Variants in ELMOD3 observed in about 807,000 individuals in gnomAD.
The protein encoded by ELMOD3 is ELMO domain-containing protein 3.
A neutral mutation model predicts 47.4 loss-of-function variants in ELMOD3; 36 were observed. The ratio of observed to expected loss-of-function variants is 0.76; its 90% confidence interval spans 0.58 to 1.00. The LOEUF is 1.00. Among genes scored for constraint, ELMOD3 ranks in the 50% least tolerant of loss-of-function variants. The pLI, the probability that ELMOD3 is intolerant of heterozygous loss-of-function variation, is 0.00. For missense variants in ELMOD3, 404 were observed against 463.8 expected, an observed-to-expected ratio of 0.87 and a Z score of 1.18; for synonymous variants, 149 against 183.5, an observed-to-expected ratio of 0.81 and a Z score of 1.52.
intron 4 of ELMOD3, among the ~76,000 whole-genome samples, chr2:85,358,806 G>A (rs1683739550): frequency 6.6e-6 from 1 of 152,136 alleles, no homozygotes; most frequent in Non-Finnish European, 1.5e-5. Context: ...GTATTGTGAA[G>A]AAACCACCTT....
chr2:85,390,494 T>G, intron 13 of ELMOD3: 4 of 1,606,012 alleles, frequency 2.5e-6, no homozygotes, highest in African/African-American at 1.3e-5. Flanking sequence ...AAGCATATAT[T>G]CTGATCAAAA....
intron 4 of ELMOD3, among the ~76,000 whole-genome samples, chr2:85,359,861 G>A (rs554424588): frequency 6.6e-6 from 1 of 152,260 alleles, no homozygotes; most frequent in African/African-American, 2.4e-5. Context: ...ACTTTGGGAT[G>A]TCAAGGTGGC....
intron 11 of ELMOD3, chr2:85,387,351 G>A: frequency 3.5e-6 from 2 of 579,148 alleles, no homozygotes; most frequent in Non-Finnish European, 4.5e-6. Flanking sequence ...GGGATAAAAT[G>A]TTAAGTGTTG....
chr2:85,389,574 C>G lies in ELMOD3; in HGVS notation c.739-177C>G, dbSNP rs377663861. 1.7e-4 allele frequency: 108 copies of G among 618,938 alleles called. 2 individuals carry two copies. The South Asian group carries it at 2.0e-3, about 11-fold the overall frequency. 38.3% of individuals were successfully genotyped at this position (618,938 alleles called of 1,614,324 possible). ...GGAAAGTTACTAAAGGTCACTGAGCCTTAGTTCCTCATCTGTAAGATGGGA... is the reference window on the plus strand; with the variant it reads ...GGAAAGTTACTAAAGGTCACTGAGCGTTAGTTCCTCATCTGTAAGATGGGA... On this transcript the variant is annotated intron_variant, in intron 11 of 13. Transcript: ENST00000409013.
intron 11 of ELMOD3, among the ~76,000 whole-genome samples, chr2:85,384,004 G>A (rs573975956): frequency 1.7e-4 from 26 of 152,304 alleles, no homozygotes; most frequent in Admixed American, 6.5e-4. Flanking sequence ...TGGTTCCTCC[G>A]GAAAGGTGGG....
chr2:85,366,495 T>G (rs1218797189), intron 6 of ELMOD3, among the ~76,000 whole-genome samples: 2 of 152,212 alleles, frequency 1.3e-5, no homozygotes, highest in Non-Finnish European at 2.9e-5. Flanking sequence ...CCTCTGTCCA[T>G]TGCCCTGCTG....
chr2:85,358,006 G>A (rs1393086867), intron 4 of ELMOD3, among the ~76,000 whole-genome samples: 1 of 152,188 alleles, frequency 6.6e-6, no homozygotes, highest in Non-Finnish European at 1.5e-5. Context: ...GAGCCTGGAG[G>A]CAGTGGCTCA....
intron 11 of ELMOD3, among the ~76,000 whole-genome samples, chr2:85,389,260 G>A (rs182122238): frequency 4.6e-5 from 7 of 152,298 alleles, no homozygotes; most frequent in East Asian, 1.9e-4. Flanking sequence ...ACCCACGTGC[G>A]TCTTCTCTGT....
At chr2:85,382,962 A>ACTC (rs1685685014) in intron 11 of ELMOD3, among the ~76,000 whole-genome samples, 1 of 151,294 alleles carries the variant, frequency 6.6e-6, no homozygotes, top group East Asian at 1.9e-4. Context: ...AAACAAAAAA[A>ACTC]ACTCATCTTC....
At chr2:85,360,529 CT>C (rs1313468331) in intron 4 of ELMOD3, among the ~76,000 whole-genome samples, 1 of 151,700 alleles carries the variant, frequency 6.6e-6, no homozygotes, top group Admixed American at 6.6e-5. Context: ...AATTTTTGTA[CT>C]TTTTAGTAGA....
intron 5 of ELMOD3, among the ~76,000 whole-genome samples, 157 bp from the exon 6 acceptor site, chr2:85,362,940 A>C (rs1216853814): frequency 1.3e-5 from 2 of 152,230 alleles, no homozygotes; most frequent in Non-Finnish European, 2.9e-5. Flanking sequence ...AATAAAAAGT[A>C]AAAGAAAATA....
intron 11 of ELMOD3, among the ~76,000 whole-genome samples, chr2:85,387,874 A>G (rs1217711689): frequency 5.3e-5 from 8 of 152,192 alleles, no homozygotes; most frequent in Admixed American, 4.6e-4. Flanking sequence ...GAAGAATTAC[A>G]TGGGACAAAT....
chr2:85,377,905 G>A (rs970043074), intron 11 of ELMOD3, among the ~76,000 whole-genome samples: 1 of 152,166 alleles, frequency 6.6e-6, no homozygotes, highest in Non-Finnish European at 1.5e-5. Context: ...TCTATTGGCT[G>A]GAATGGGACT....
chr2:85,385,293 C>G (rs1685848249), intron 11 of ELMOD3, among the ~76,000 whole-genome samples: 1 of 152,198 alleles, frequency 6.6e-6, no homozygotes, highest in South Asian at 2.1e-4. Context: ...ACCAAACAGG[C>G]TTTGTGTGAG....
In ELMOD3 at chr2:85,391,237, G is replaced by A. The variant is rs565832715; in HGVS notation, c.*275G>A. 35 of 412,020 alleles carry A rather than the reference G, an allele frequency of 8.5e-5. No individual in the cohort carries two copies. Among genetic ancestry groups the A allele is most frequent in the Non-Finnish European group, 1.5e-4 (33 of 223,376 alleles). The allele number at this position is 412,020 out of a possible 1,614,324, so 25.5% of individuals were successfully genotyped here. ...TCCAGTCTCCGGGTTGAATTCCAGTGTATCCCACTGGGAGTGAATGGATCA... is the reference window on the plus strand; with the variant it reads ...TCCAGTCTCCGGGTTGAATTCCAGTATATCCCACTGGGAGTGAATGGATCA... On this transcript the variant is annotated 3_prime_UTR_variant, in exon 14 of 14. Transcript: ENST00000409013.
At chr2:85,378,605 A>G (rs180825753) in intron 11 of ELMOD3, among the ~76,000 whole-genome samples, 1 of 152,350 alleles carries the variant, frequency 6.6e-6, no homozygotes, top group Non-Finnish European at 1.5e-5. Context: ...TAGGGTCTCC[A>G]AAGGAGGCAA....
At chr2:85,381,446 AAATTTTGTAAAC>A (rs751015585) in intron 11 of ELMOD3, among the ~76,000 whole-genome samples, 2 of 152,214 alleles carry the variant, frequency 1.3e-5, no homozygotes, top group Non-Finnish European at 2.9e-5. Context: ...TTATTTTTCA[AAATTTTGTAAAC>A]AATCTATAAA....
intron 6 of ELMOD3, among the ~76,000 whole-genome samples, chr2:85,365,741 C>T (rs896904573): frequency 6.6e-6 from 1 of 152,164 alleles, no homozygotes; most frequent in African/African-American, 2.4e-5. Flanking sequence ...ATTCCCACCC[C>T]CTTGCCACTG....
At chr2:85,362,975 G>T in intron 5 of ELMOD3, 122 bp from the exon 6 acceptor site, 1 of 637,696 alleles carries the variant, frequency 1.6e-6, no homozygotes, top group African/African-American at 1.8e-5. Context: ...CAACCCATCA[G>T]GGCACACTAG....
Sources: allele counts gnomAD v4.1 joint callset (sites outside exome capture counted in the v4.1 genomes callset), GRCh38; gene constraint gnomAD v4.1.1; transcripts MANE v1.5; gene names NCBI Gene and HGNC (gene_info 2026-07-23, HGNC 2026-07-21).